STK3: variants seen among roughly 807,000 people sequenced by gnomAD.
STK3 encodes serine/threonine kinase 3, also known as serine/threonine-protein kinase 3.
In STK3, 41 loss-of-function variants were observed where a neutral mutation model predicts 58.0. The observed-to-expected ratio is 0.71, with a 90% CI of 0.55 to 0.92. The LOEUF is 0.92. Among genes scored for constraint, STK3 ranks in the 40% least tolerant of loss-of-function variants. The pLI, the probability that STK3 is intolerant of heterozygous loss-of-function variation, is 0.00. For synonymous variants in STK3, 170 were observed against 191.0 expected, an observed-to-expected ratio of 0.89 and a Z score of 0.91; for missense variants, 479 against 602.7, an observed-to-expected ratio of 0.79 and a Z score of 2.15.
At chr8:98,846,378 T>A (rs1008010840) in intron 3 of STK3, among the ~76,000 whole-genome samples, 1 of 152,220 alleles carries the variant, frequency 6.6e-6, no homozygotes, top group African/African-American at 2.4e-5. Flanking sequence ...GTTCAAACCA[T>A]GACACAGGCA....
At chr8:98,782,767 TAGAC>T (rs1832181714) in intron 1 of STK3, 1 of 150,036 alleles carries the variant, frequency 6.7e-6, no homozygotes, top group Non-Finnish European at 1.5e-5. Flanking sequence ...AAAAGGAGAT[TAGAC>T]AGTGCAGCAC....
intron 3 of STK3, among the ~76,000 whole-genome samples, chr8:98,395,043 C>T (rs1389192991): frequency 1.3e-5 from 2 of 152,210 alleles, no homozygotes; most frequent in Admixed American, 1.3e-4. Context: ...GGTGGTGTCT[C>T]TGTCTGTGTG....
intron 3 of STK3, among the ~76,000 whole-genome samples, chr8:98,766,337 G>A (rs1156359449): frequency 2.0e-5 from 3 of 152,204 alleles, no homozygotes; most frequent in Non-Finnish European, 4.4e-5. Context: ...AATGTTGAAT[G>A]AATTAGATTT....
At chr8:98,397,612 C>T (rs569095992), downstream of STK3, among the ~76,000 whole-genome samples, 3 of 152,230 alleles carry the variant, frequency 2.0e-5, no homozygotes, top group South Asian at 6.2e-4. Context: ...ATGCTGATGT[C>T]CAGCCTCAGA....
In STK3 at chr8:98,463,340, T is replaced by C. The variant is rs544617271; in HGVS notation, c.1318-7340A>G. The stretch of plus-strand genomic sequence containing the variant: ...TGATAATTACATTTCATTCAGGAGA[T>C]GAAAGATCAATATACAAAACTATGA... On this transcript the variant is annotated intron_variant, in intron 10 of 10. Transcript: ENST00000419617. 2.6e-5 allele frequency among the ~76,000 whole-genome samples: 4 copies of C among 152,034 alleles called. No individual in the cohort carries two copies. The East Asian group carries it at 5.8e-4, about 22-fold the overall frequency.
the STK3 span, among the ~76,000 whole-genome samples, chr8:98,364,622 T>TTGGA: frequency 3.3e-5 from 5 of 152,234 alleles, no homozygotes; most frequent in Non-Finnish European, 7.3e-5. Flanking sequence ...GTGCCAGGAC[T>TTGGA]TGGATTCCTT....
At chr8:98,885,963 C>T (rs1837972915) in intron 1 of STK3, among the ~76,000 whole-genome samples, 1 of 152,158 alleles carries the variant, frequency 6.6e-6, no homozygotes, top group Non-Finnish European at 1.5e-5. Context: ...ATATCAAATA[C>T]ATATTGTATG....
Position 98,682,743 on chromosome 8 carries a change from A to G in STK3, c.684+23724T>C, listed in dbSNP as rs149143650. Among the ~76,000 whole-genome samples the G allele has an allele frequency of 9.2e-3, 1,404 of 152,244 alleles. 17 individuals carry two copies. The highest frequency in any genetic ancestry group is 0.032 in the African/African-American group (1,327 of 41,558). ...ATGACTTGTCTTTCTTTTTAAAAATATCAATCGACACATAATTTCAAAATT... is the reference window on the plus strand; with the variant it reads ...ATGACTTGTCTTTCTTTTTAAAAATGTCAATCGACACATAATTTCAAAATT... On this transcript the variant is annotated intron_variant, in intron 6 of 10. Coordinates refer to ENST00000419617, the MANE Select transcript of STK3 (RefSeq NM_006281.4).
At chr8:98,452,773 T>C (rs1038962878), downstream of STK3, among the ~76,000 whole-genome samples, 6 of 151,602 alleles carry the variant, frequency 4.0e-5, no homozygotes, top group African/African-American at 1.5e-4. Flanking sequence ...TTTTTTTTTT[T>C]TTTTTGAGAC....
intron 10 of STK3, among the ~76,000 whole-genome samples, chr8:98,490,653 A>G (rs532009813): frequency 1.1e-4 from 17 of 152,340 alleles, no homozygotes; most frequent in African/African-American, 3.1e-4. Flanking sequence ...TGGCACAGAG[A>G]AAATAAATCA....
Position 98,443,704 on chromosome 8 carries a change from C to T in STK3, n.186-6496G>A, listed in dbSNP as rs140469652. ...CTCTACTAAAAATGCAAAAATTAGC[C>T]GGGCATGGTGGCACGTGCCTGTAAT... On this transcript the variant is annotated intron_variant and non_coding_transcript_variant, in intron 1 of 3. Transcript: ENST00000517832. Among the ~76,000 whole-genome samples the T allele has an allele frequency of 4.3e-3, 651 of 152,068 alleles. 5 individuals carry two copies. The highest frequency in any genetic ancestry group is 4.6e-3 in the Non-Finnish European group (311 of 67,982).
chr8:98,688,862 A>G (rs891183433), intron 6 of STK3, among the ~76,000 whole-genome samples: 3 of 152,186 alleles, frequency 2.0e-5, no homozygotes, highest in Non-Finnish European at 4.4e-5. Flanking sequence ...TAAAGGAACA[A>G]GAAAAAACTA....
intron 1 of STK3, among the ~76,000 whole-genome samples, chr8:98,917,801 C>G (rs1177309799): frequency 6.6e-6 from 1 of 152,174 alleles, no homozygotes; most frequent in Non-Finnish European, 1.5e-5. Flanking sequence ...CAGATTCCAC[C>G]AACACCCTGC....
chr8:98,568,063 T>TGATA (rs10528436), intron 8 of STK3, among the ~76,000 whole-genome samples: 30,225 of 146,418 alleles, frequency 0.21, 3,105 homozygotes, highest in Admixed American at 0.24. Context: ...CTTAGATAGA[T>TGATA]GATAGATAGA....
chr8:98,919,206 A>T (rs550405148), intron 1 of STK3, among the ~76,000 whole-genome samples: 1 of 152,294 alleles, frequency 6.6e-6, no homozygotes, highest in South Asian at 2.1e-4. Context: ...CTGCCACAAG[A>T]TCTCATCTTA....
At chr8:98,897,951 T>C (rs1370824512) in intron 1 of STK3, among the ~76,000 whole-genome samples, 1 of 152,212 alleles carries the variant, frequency 6.6e-6, no homozygotes, top group Non-Finnish European at 1.5e-5. Context: ...AATCAAGAAA[T>C]CAGAGCTCTT....
intron 4 of STK3, among the ~76,000 whole-genome samples, chr8:98,726,866 C>G (rs182770465): frequency 3.9e-5 from 6 of 152,258 alleles, no homozygotes; most frequent in Non-Finnish European, 7.3e-5. Flanking sequence ...AGAGATGGGA[C>G]CCAAAAGCTT....
At chr8:98,657,282 C>T (rs1007625823) in intron 6 of STK3, among the ~76,000 whole-genome samples, 3 of 151,950 alleles carry the variant, frequency 2.0e-5, no homozygotes, top group African/African-American at 2.4e-5. Flanking sequence ...AACAACCCTT[C>T]GAGATAGTTA....
intron 8 of STK3, among the ~76,000 whole-genome samples, chr8:98,574,276 T>C (rs753133769): frequency 5.3e-5 from 8 of 152,124 alleles, no homozygotes; most frequent in Non-Finnish European, 1.2e-4. Context: ...GAAACGACAA[T>C]TAAACAAAAG....
Sources: gnomAD v4.1 joint callset for allele counts (sites outside exome capture counted in the v4.1 genomes callset) on GRCh38, gnomAD v4.1.1 for gene constraint, MANE v1.5 for transcripts, NCBI Gene and HGNC (gene_info 2026-07-23, HGNC 2026-07-21) for gene names.